QKI: variants seen among roughly 807,000 people sequenced by gnomAD.
The protein encoded by QKI is QKI, KH domain containing RNA binding, also known as KH domain-containing RNA-binding protein QKI.
QKI carries 10 observed loss-of-function variants against 39.0 expected under a neutral mutation model. The ratio of observed to expected loss-of-function variants is 0.26; its 90% CI spans 0.16 to 0.43. The LOEUF (loss-of-function observed/expected upper bound fraction) is 0.43, where lower values mean the gene tolerates loss of function less well. Among genes scored for constraint, QKI ranks in the 20% least tolerant of loss-of-function variants. QKI has a pLI of 1.00. For synonymous variants in QKI, 204 were observed against 155.4 expected (o/e 1.31, Z -2.33); for missense variants, 218 against 428.0 (o/e 0.51, Z 4.33).
At chr6:163,454,640 A>T (rs1030494274) in intron 1 of QKI, among the ~76,000 whole-genome samples, 1 of 151,702 alleles carries the variant, frequency 6.6e-6, no homozygotes, top group Non-Finnish European at 1.5e-5. Flanking sequence ...CTTGGTTTGG[A>T]TCTTCTTTTC....
intron 2 of QKI, among the ~76,000 whole-genome samples, chr6:163,474,787 T>TAAAAAA (rs35897463): frequency 9.2e-6 from 1 of 108,630 alleles, no homozygotes; most frequent in African/African-American, 3.5e-5. Flanking sequence ...ACAAAAAAGT[T>TAAAAAA]AAAAAAAAAA....
chr6:163,458,903 T>C (rs988958647), intron 2 of QKI, among the ~76,000 whole-genome samples: 3 of 152,178 alleles, frequency 2.0e-5, no homozygotes, highest in Admixed American at 2.0e-4. Flanking sequence ...GTAAAGACAA[T>C]AGGTTTCTTA....
intron 3 of QKI, among the ~76,000 whole-genome samples, chr6:163,493,110 G>A (rs375839825): frequency 6.7e-6 from 1 of 148,798 alleles, no homozygotes; most frequent in African/African-American, 2.5e-5. Context: ...AGTATATTAC[G>A]TACTAAAAAG....
intron 6 of QKI, chr6:163,564,462 T>C: frequency 7.1e-7 from 1 of 1,410,978 alleles, no homozygotes; most frequent in Non-Finnish European, 9.2e-7. Flanking sequence ...TTTCAGTTCT[T>C]GTGTTTTGGA....
intron 3 of QKI, among the ~76,000 whole-genome samples, chr6:163,527,646 G>A (rs1474274457): frequency 1.3e-5 from 2 of 152,046 alleles, no homozygotes. Context: ...ACTTCATAGG[G>A]CAGCGATTCA....
chr6:163,553,617 A>G (rs1485572905), intron 4 of QKI, among the ~76,000 whole-genome samples: 1 of 152,128 alleles, frequency 6.6e-6, no homozygotes, highest in African/African-American at 2.4e-5. Context: ...TAAATCCTTC[A>G]GAAGTTTATC....
At chr6:163,534,443 G>A (rs1451925824) in intron 3 of QKI, among the ~76,000 whole-genome samples, 5 of 152,120 alleles carry the variant, frequency 3.3e-5, no homozygotes, top group Admixed American at 3.3e-4. Flanking sequence ...TACAACCAAT[G>A]TCATTAAAAG....
intron 3 of QKI, among the ~76,000 whole-genome samples, chr6:163,522,710 A>G (rs1780237257): frequency 6.6e-6 from 1 of 152,148 alleles, no homozygotes; most frequent in East Asian, 1.9e-4. Context: ...GAGGTTCTCA[A>G]AGTTCATTTA....
intron 4 of QKI, among the ~76,000 whole-genome samples, chr6:163,538,219 T>G (rs1042983425): frequency 6.6e-6 from 1 of 152,208 alleles, no homozygotes; most frequent in South Asian, 2.1e-4. Flanking sequence ...ACCAGCAAAG[T>G]GCCTGCCATC....
chr6:163,443,817 AAATC>A (rs1789937108), intron 1 of QKI, among the ~76,000 whole-genome samples: 1 of 152,242 alleles, frequency 6.6e-6, no homozygotes, highest in South Asian at 2.1e-4. Context: ...GGTTAATTAA[AAATC>A]AAATAAATTA....
intron 3 of QKI, 48 bp from the exon 4 acceptor site, chr6:163,534,934 T>TA (rs1272382096): frequency 1.4e-6 from 2 of 1,423,330 alleles, no homozygotes; most frequent in African/African-American, 2.9e-5. Context: ...AGATGTGCTC[T>TA]CTCTTTAAAG....
At chr6:163,514,631 G>A (rs937403176) in intron 3 of QKI, among the ~76,000 whole-genome samples, 3 of 152,090 alleles carry the variant, frequency 2.0e-5, no homozygotes, top group South Asian at 2.1e-4. Context: ...TATTTTACTC[G>A]GATATGTATG....
chr6:163,419,655 G>A (rs1787834030), intron 1 of QKI, among the ~76,000 whole-genome samples: 1 of 152,084 alleles, frequency 6.6e-6, no homozygotes, highest in Non-Finnish European at 1.5e-5. Context: ...TCATTATGGG[G>A]CATTTATTAA....
chr6:163,578,502 A>T lies in QKI; in HGVS notation c.*7792A>T, dbSNP rs1365411842. 1 of 152,224 alleles carries T rather than the reference A, an allele frequency of 6.6e-6. No homozygotes were observed. Among genetic ancestry groups the T allele is most frequent in the Admixed American group, 6.5e-5 (1 of 15,282 alleles). The allele number at this position is 152,224 out of a possible 1,614,324, so 9.4% of individuals were successfully genotyped here. ...ACAAGTTGAAAGTTGGTTTGAATACATTTTAATTAAATGATAATATGTTAA... is the reference window on the plus strand; with the variant it reads ...ACAAGTTGAAAGTTGGTTTGAATACTTTTTAATTAAATGATAATATGTTAA... On this transcript the variant is annotated 3_prime_UTR_variant, in exon 8 of 8. Coordinates refer to ENST00000361752, the MANE Select transcript of QKI (RefSeq NM_006775.3).
chr6:163,434,547 C>T (rs1314610341), intron 1 of QKI, among the ~76,000 whole-genome samples: 1 of 151,958 alleles, frequency 6.6e-6, no homozygotes, highest in Non-Finnish European at 1.5e-5. Flanking sequence ...AACCCCCTCT[C>T]TACTAAAAAT....
chr6:163,570,066 T>C, intron 7 of QKI: 1 of 986,274 alleles, frequency 1.0e-6, no homozygotes, highest in Non-Finnish European at 1.2e-6. Flanking sequence ...TATCGCTTTG[T>C]ATCATGAGGC....
intron 2 of QKI, among the ~76,000 whole-genome samples, chr6:163,460,831 A>C (rs892675033): frequency 6.6e-6 from 1 of 152,134 alleles, no homozygotes; most frequent in Non-Finnish European, 1.5e-5. Context: ...CTCCTTTTTC[A>C]ATACCCAGGT....
intron 3 of QKI, among the ~76,000 whole-genome samples, chr6:163,505,887 G>A (rs777480294): frequency 3.3e-5 from 5 of 152,066 alleles, no homozygotes; most frequent in African/African-American, 7.2e-5. Context: ...TACATGGATT[G>A]GCTCTGTGTC....
At chr6:163,537,234 C>A (rs1781261027) in intron 4 of QKI, among the ~76,000 whole-genome samples, 1 of 152,084 alleles carries the variant, frequency 6.6e-6, no homozygotes. Flanking sequence ...ATTATAAACC[C>A]CTATACTTCT....
Sources: gnomAD v4.1 joint callset for allele counts (sites outside exome capture counted in the v4.1 genomes callset) on GRCh38, gnomAD v4.1.1 for gene constraint, MANE v1.5 for transcripts, NCBI Gene and HGNC (gene_info 2026-07-23, HGNC 2026-07-21) for gene names.